PTCHD4: variants seen among roughly 807,000 people sequenced by gnomAD.
PTCHD4 encodes the protein patched domain-containing protein 4.
In PTCHD4, 33 loss-of-function variants were observed where a neutral mutation model predicts 58.1. The ratio of observed to expected loss-of-function variants is 0.57; its 90% CI spans 0.43 to 0.76. PTCHD4 has a LOEUF of 0.76. PTCHD4 is among the 30% of genes least tolerant of loss of function. PTCHD4 has a pLI of 0.00. For synonymous variants in PTCHD4, 478 were observed against 409.6 expected (o/e 1.17, Z -2.02); for missense variants, 1,058 against 1,027.1 (o/e 1.03, Z -0.41).
At chr6:48,015,777 A>G (rs1243867095) in intron 3 of PTCHD4, among the ~76,000 whole-genome samples, 1 of 151,916 alleles carries the variant, frequency 6.6e-6, no homozygotes, top group East Asian at 1.9e-4. Context: ...GTGCTTGTTG[A>G]AAGCTGACAT....
intron 1 of PTCHD4, among the ~76,000 whole-genome samples, chr6:48,101,678 C>T (rs1765605919): frequency 6.6e-6 from 1 of 152,154 alleles, no homozygotes; most frequent in South Asian, 2.1e-4. Context: ...AGTCTCAATT[C>T]AGCCCCTAAA....
chr6:47,960,499 A>G (rs946820582), intron 4 of PTCHD4, among the ~76,000 whole-genome samples: 3 of 152,130 alleles, frequency 2.0e-5, no homozygotes. Context: ...ATGTTTAAAG[A>G]AAAAAAGTAG....
chr6:47,915,554 T>C (rs1434931753), intron 4 of PTCHD4, among the ~76,000 whole-genome samples: 1 of 140,228 alleles, frequency 7.1e-6, no homozygotes, highest in Non-Finnish European at 1.5e-5. Flanking sequence ...AAAAGACTCA[T>C]AGAAAATAGA....
At chr6:47,959,472 C>T (rs1766998345) in intron 4 of PTCHD4, among the ~76,000 whole-genome samples, 1 of 152,066 alleles carries the variant, frequency 6.6e-6, no homozygotes, top group African/African-American at 2.4e-5. Context: ...GAATTGGAAT[C>T]CCTGGATAGG....
intron 3 of PTCHD4, among the ~76,000 whole-genome samples, chr6:48,032,075 AT>A (rs572807864): frequency 1.7e-4 from 25 of 149,534 alleles, no homozygotes; most frequent in East Asian, 3.9e-4. Context: ...AACCCCAGGC[AT>A]TTTTTTTTTG....
intron 4 of PTCHD4, among the ~76,000 whole-genome samples, chr6:47,881,071 C>A (rs1039661396): frequency 6.6e-6 from 1 of 152,094 alleles, no homozygotes; most frequent in South Asian, 2.1e-4. Context: ...ACAAGCTGTG[C>A]TTGGGCTGTT....
At chr6:47,883,179 G>A (rs570193786) in intron 4 of PTCHD4, among the ~76,000 whole-genome samples, 1 of 152,016 alleles carries the variant, frequency 6.6e-6, no homozygotes, top group Admixed American at 6.6e-5. Context: ...CGATATATAA[G>A]ATATAAGGGT....
At chr6:48,086,586 T>C (rs1457070105) in intron 1 of PTCHD4, among the ~76,000 whole-genome samples, 6 of 152,024 alleles carry the variant, frequency 3.9e-5, no homozygotes, top group Non-Finnish European at 8.8e-5. Flanking sequence ...GGAGAAGATA[T>C]ACTCACTTAT....
At chr6:47,980,785 C>T (rs1297594279) in intron 4 of PTCHD4, among the ~76,000 whole-genome samples, 1 of 151,520 alleles carries the variant, frequency 6.6e-6, no homozygotes, top group Non-Finnish European at 1.5e-5. Flanking sequence ...CTATATATTC[C>T]CTACTGTGAA....
chr6:47,952,409 A>T (rs1581924946), intron 4 of PTCHD4, among the ~76,000 whole-genome samples: 1 of 152,072 alleles, frequency 6.6e-6, no homozygotes, highest in African/African-American at 2.4e-5. Context: ...TATTCCTTTA[A>T]TTATTAGCTT....
chr6:48,099,123 G>A (rs1183641814), intron 1 of PTCHD4, among the ~76,000 whole-genome samples: 1 of 152,146 alleles, frequency 6.6e-6, no homozygotes, highest in Non-Finnish European at 1.5e-5. Context: ...TGGCAGTAAT[G>A]AGGTTGGCAG....
chr6:48,020,193 C>A (rs184781673), intron 3 of PTCHD4, among the ~76,000 whole-genome samples: 1 of 152,022 alleles, frequency 6.6e-6, no homozygotes, highest in African/African-American at 2.4e-5. Context: ...AGAGATAGGG[C>A]ATGGCATGAT....
chr6:47,890,045 ATGTGTGTGTG>A (rs372236322), intron 4 of PTCHD4, among the ~76,000 whole-genome samples: 2 of 150,114 alleles, frequency 1.3e-5, no homozygotes, highest in South Asian at 4.2e-4. Context: ...ATATATATAT[ATGTGTGTGTG>A]TGTGTGTTTG....
At position 47,859,040 on chromosome 6, in the gene PTCHD4, G is replaced by C. The variant is rs765825092; in HGVS notation, c.*19263C>G. 5.9e-5 allele frequency among the ~76,000 whole-genome samples: 9 copies of C among 152,034 alleles called. No individual in the cohort carries two copies. The highest frequency in any genetic ancestry group is 7.4e-5 in the Non-Finnish European group (5 of 67,976). On this transcript the variant is annotated 3_prime_UTR_variant, in exon 5 of 5. Transcript: ENST00000339488. ...AGAAAACCAATAAATTATTCATTTTGAGGGAAGAAGGAAATGTTCCTGAGC... is the reference window on the plus strand; with the variant it reads ...AGAAAACCAATAAATTATTCATTTTCAGGGAAGAAGGAAATGTTCCTGAGC...
chr6:48,094,328 A>G (rs1304504615), intron 1 of PTCHD4, among the ~76,000 whole-genome samples: 7 of 152,248 alleles, frequency 4.6e-5, no homozygotes, highest in Non-Finnish European at 4.4e-5. Flanking sequence ...CACGAGTGGT[A>G]ACGATGAGAA....
At chr6:48,019,580 C>CA (rs1328880667) in intron 3 of PTCHD4, among the ~76,000 whole-genome samples, 1 of 151,788 alleles carries the variant, frequency 6.6e-6, no homozygotes, top group Non-Finnish European at 1.5e-5. Flanking sequence ...ACTAAAAATA[C>CA]AAAAAATTAG....
intron 4 of PTCHD4, among the ~76,000 whole-genome samples, chr6:47,933,301 T>A (rs988626871): frequency 2.0e-5 from 3 of 152,226 alleles, no homozygotes; most frequent in Non-Finnish European, 4.4e-5. Context: ...AGAGCAAGCA[T>A]GAAAGCAAAT....
At chr6:47,902,908 G>A (rs1329380644) in intron 4 of PTCHD4, among the ~76,000 whole-genome samples, 1 of 152,144 alleles carries the variant, frequency 6.6e-6, no homozygotes. Flanking sequence ...TCTCTAAAAA[G>A]AGCGCTTTTG....
intron 4 of PTCHD4, among the ~76,000 whole-genome samples, chr6:47,947,489 T>C (rs1158008072): frequency 1.3e-5 from 2 of 152,156 alleles, no homozygotes; most frequent in African/African-American, 2.4e-5. Context: ...AATTCATCTT[T>C]ACTAAACTCA....
Sources: gnomAD v4.1 joint callset for allele counts (sites outside exome capture counted in the v4.1 genomes callset) on GRCh38, gnomAD v4.1.1 for gene constraint, MANE v1.5 for transcripts, NCBI Gene and HGNC (gene_info 2026-07-23, HGNC 2026-07-21) for gene names.